B3GALT1: variants seen among roughly 807,000 people sequenced by gnomAD.
B3GALT1 encodes the protein beta-1,3-galactosyltransferase 1.
In B3GALT1, 10 loss-of-function variants were observed where a neutral mutation model predicts 23.2. The ratio of observed to expected loss-of-function variants is 0.43; its 90% CI spans 0.27 to 0.73. The LOEUF (loss-of-function observed/expected upper bound fraction) is 0.73. Among genes scored for constraint, B3GALT1 ranks in the 30% least tolerant of loss-of-function variants. The pLI is 0.21. For missense variants in B3GALT1, 299 were observed against 405.4 expected (o/e 0.74, Z 2.25); for synonymous variants, 156 against 141.5 (o/e 1.10, Z -0.73).
intron 2 of B3GALT1, among the ~76,000 whole-genome samples, chr2:167,629,789 T>G (rs1017365125): frequency 2.6e-5 from 4 of 151,814 alleles, no homozygotes; most frequent in African/African-American, 9.7e-5. Flanking sequence ...TTGTAAACAC[T>G]GCTTTATACC....
chr2:167,525,933 G>T (rs1249910249), intron 2 of B3GALT1, among the ~76,000 whole-genome samples: 3 of 152,006 alleles, frequency 2.0e-5, no homozygotes, highest in African/African-American at 7.2e-5. Flanking sequence ...AGTTCTTTCA[G>T]GTTGTTGCCT....
At chr2:167,363,296 T>C (rs769072047) in intron 1 of B3GALT1, among the ~76,000 whole-genome samples, 3 of 151,550 alleles carry the variant, frequency 2.0e-5, no homozygotes, top group Non-Finnish European at 2.9e-5. Context: ...TTTGTGATAA[T>C]TTTTTTACTC....
At chr2:167,430,789 A>G (rs906148730) in intron 1 of B3GALT1, among the ~76,000 whole-genome samples, 2 of 152,136 alleles carry the variant, frequency 1.3e-5, no homozygotes, top group Admixed American at 6.5e-5. Flanking sequence ...CATCATTATT[A>G]TCAGTAGTAG....
chr2:167,410,622 T>C (rs1324595041), intron 1 of B3GALT1, among the ~76,000 whole-genome samples: 1 of 151,006 alleles, frequency 6.6e-6, no homozygotes, highest in African/African-American at 2.4e-5. Flanking sequence ...TTAGGACAAA[T>C]ACCTAATGCA....
chr2:167,485,305 T>C (rs1034111870), intron 1 of B3GALT1, among the ~76,000 whole-genome samples: 1 of 152,188 alleles, frequency 6.6e-6, no homozygotes, highest in Non-Finnish European at 1.5e-5. Context: ...AAAAGATTAT[T>C]TGAATGAAAA....
intron 2 of B3GALT1, among the ~76,000 whole-genome samples, chr2:167,646,106 T>C (rs1685744917): frequency 6.6e-6 from 1 of 152,182 alleles, no homozygotes; most frequent in South Asian, 2.1e-4. Context: ...TTTTGACCCC[T>C]CTTTTTATGG....
At chr2:167,393,846 T>C (rs1447117582) in intron 1 of B3GALT1, among the ~76,000 whole-genome samples, 1 of 152,232 alleles carries the variant, frequency 6.6e-6, no homozygotes, top group East Asian at 1.9e-4. Context: ...CTTGTCTGAC[T>C]TTGCTCTGAC....
rs114071704 is a variant in B3GALT1, at chr2:167,585,703, A to G, written c.-409-61206A>G. On this transcript the variant is annotated intron_variant, in intron 2 of 4. Coordinates refer to ENST00000392690, the MANE Select transcript of B3GALT1 (RefSeq NM_020981.4). Reference sequence around the variant, plus strand: ...ATTTATACCCAATATAAATGAATATATGTGCTCCAAAAGGCAGATGTAAGA... The same window carrying G: ...ATTTATACCCAATATAAATGAATATGTGTGCTCCAAAAGGCAGATGTAAGA... Among the ~76,000 whole-genome samples the G allele has an allele frequency of 2.3e-3, 351 of 152,336 alleles. 4 individuals carry two copies. Among genetic ancestry groups the G allele is most frequent in the African/African-American group, 7.8e-3 (326 of 41,576 alleles).
intron 1 of B3GALT1, among the ~76,000 whole-genome samples, chr2:167,447,941 A>T (rs999053195): frequency 6.6e-6 from 1 of 152,122 alleles, no homozygotes; most frequent in African/African-American, 2.4e-5. Context: ...TGCGTCGCTC[A>T]TACTGGGAGC....
intron 4 of B3GALT1, among the ~76,000 whole-genome samples, chr2:167,839,310 G>C (rs2105395519): frequency 6.6e-6 from 1 of 151,726 alleles, no homozygotes; most frequent in South Asian, 2.1e-4. Context: ...TCCTTAAGCT[G>C]ATAAGCAACT....
intron 3 of B3GALT1, among the ~76,000 whole-genome samples, chr2:167,753,186 T>C (rs903726580): frequency 8.5e-5 from 13 of 152,208 alleles, no homozygotes; most frequent in African/African-American, 3.1e-4. Context: ...GCAGTACTCA[T>C]TTTAAATAAA....
chr2:167,308,609 A>T (rs1219173082), intron 1 of B3GALT1, among the ~76,000 whole-genome samples: 1 of 151,874 alleles, frequency 6.6e-6, no homozygotes, highest in Admixed American at 6.6e-5. Flanking sequence ...ACTACTATCT[A>T]ATGTTTTTTT....
chr2:167,765,357 G>T, intron 3 of B3GALT1, among the ~76,000 whole-genome samples: 1 of 152,164 alleles, frequency 6.6e-6, no homozygotes, highest in East Asian at 1.9e-4. Flanking sequence ...CCCAGGTAGA[G>T]TATAACAAGA....
chr2:167,653,552 T>A (rs886478331), intron 3 of B3GALT1, among the ~76,000 whole-genome samples: 3 of 152,200 alleles, frequency 2.0e-5, no homozygotes, highest in African/African-American at 7.2e-5. Context: ...CACAGAATTA[T>A]CAAGGCTTCC....
intron 1 of B3GALT1, among the ~76,000 whole-genome samples, chr2:167,478,027 C>G (rs1699510351): frequency 6.6e-6 from 1 of 152,114 alleles, no homozygotes; most frequent in South Asian, 2.1e-4. Context: ...AGAATATATA[C>G]AAAGTAGATC....
intron 1 of B3GALT1, among the ~76,000 whole-genome samples, chr2:167,396,534 ATGTGTGTGTGTGTGTG>A (rs67013700): frequency 7.0e-6 from 1 of 142,154 alleles, no homozygotes; most frequent in African/African-American, 2.7e-5. Flanking sequence ...ATATATATAT[ATGTGTGTGTGTGTGTG>A]TGTGTGTGTG....
At chr2:167,825,989 A>G (rs7557986) in intron 4 of B3GALT1, among the ~76,000 whole-genome samples, 5,386 of 152,298 alleles carry the variant, frequency 0.035, 320 homozygotes, top group African/African-American at 0.12. Context: ...CTTTCAGTCC[A>G]ATAAGCTAAG....
chr2:167,493,950 A>C (rs1405476465), intron 2 of B3GALT1, among the ~76,000 whole-genome samples: 1 of 152,128 alleles, frequency 6.6e-6, no homozygotes, highest in Non-Finnish European at 1.5e-5. Context: ...TAAGAAACTG[A>C]TATGTACCAG....
At chr2:167,489,263 C>G (rs1278792357) in intron 1 of B3GALT1, among the ~76,000 whole-genome samples, 2 of 152,172 alleles carry the variant, frequency 1.3e-5, no homozygotes, top group Non-Finnish European at 2.9e-5. Context: ...TTTTCCAGAA[C>G]ACACTTCTGT....
Sources: allele counts gnomAD v4.1 joint callset (sites outside exome capture counted in the v4.1 genomes callset), GRCh38; gene constraint gnomAD v4.1.1; transcripts MANE v1.5; gene names NCBI Gene and HGNC (gene_info 2026-07-23, HGNC 2026-07-21).